Variants in SLC9A3 observed in about 807,000 individuals in gnomAD.
SLC9A3 encodes solute carrier family 9 member A3.
A neutral mutation model predicts 86.8 loss-of-function variants in SLC9A3; 37 were observed. The ratio of observed to expected loss-of-function variants is 0.43; its 90% CI spans 0.33 to 0.56. The LOEUF (loss-of-function observed/expected upper bound fraction) is 0.56. Among genes scored for constraint, SLC9A3 ranks in the 20% least tolerant of loss-of-function variants. The probability of loss-of-function intolerance (pLI) is 0.06; values close to 1 mark genes in which losing one functional copy is unlikely to be tolerated. For synonymous variants in SLC9A3, 581 were observed against 528.3 expected (o/e 1.10, Z -1.37); for missense variants, 1,011 against 1,171.9 (o/e 0.86, Z 2.00).
intron 1 of SLC9A3, among the ~76,000 whole-genome samples, chr5:500,379 G>A (rs1038886684): frequency 2.0e-5 from 3 of 152,242 alleles, no homozygotes; most frequent in Non-Finnish European, 2.9e-5. Flanking sequence ...GATCCCTGGC[G>A]AGAATGGAAG....
chr5:482,215 C>A (rs900396002), intron 7 of SLC9A3, 58 bp from the exon 8 acceptor site: 16 of 1,346,020 alleles, frequency 1.2e-5, no homozygotes, highest in Non-Finnish European at 1.7e-5. Flanking sequence ...CCCGCTGGCC[C>A]GGCCAGGTGC....
intron 1 of SLC9A3, among the ~76,000 whole-genome samples, chr5:494,870 C>T (rs780689678): frequency 2.2e-4 from 34 of 152,228 alleles, no homozygotes; most frequent in Non-Finnish European, 3.2e-4. Context: ...GTTTTCTACA[C>T]GATGCACGTT....
intron 1 of SLC9A3, among the ~76,000 whole-genome samples, chr5:518,314 G>T (rs139940122): frequency 1.3e-3 from 199 of 152,200 alleles, no homozygotes; most frequent in African/African-American, 4.6e-3. Flanking sequence ...CTGGTACCCT[G>T]AGACCTGGCA....
intron 12 of SLC9A3, 30 bp from the exon 13 acceptor site, chr5:476,408 G>T (rs769310947): frequency 6.2e-7 from 1 of 1,612,290 alleles, no homozygotes; most frequent in South Asian, 1.1e-5. Flanking sequence ...GGTCACAGCT[G>T]TGCCCACCGC....
chr5:509,135 T>C (rs1266014648), intron 1 of SLC9A3, among the ~76,000 whole-genome samples: 1 of 143,670 alleles, frequency 7.0e-6, no homozygotes, highest in African/African-American at 2.6e-5. Context: ...TCTCAGAAGA[T>C]AGAGAAAAAA....
rs1447733075 is a variant in SLC9A3 at position 491,497 on chromosome 5, G to A, written c.514+272C>T. 6.6e-6 allele frequency among the ~76,000 whole-genome samples: 1 copy of A among 152,098 alleles called. No homozygotes were observed. The highest frequency in any genetic ancestry group is 6.5e-5 in the Admixed American group (1 of 15,276). ...ACCCCTACCTCTGCCCAGTGCCGGA[G>A]GAAGAGCGGCAGCCCCTGGCCACCT... On this transcript the variant is annotated intron_variant, in intron 2 of 16. Transcript: ENST00000264938. This position sits in a 1 kb window ranked among gnomAD's most constrained non-coding sequence, Gnocchi z 9.2.
rs1250993309 is a variant in SLC9A3, at chr5:475,613, C to T, written c.2199G>A (p.Gly733=). The T allele has an allele frequency of 5.8e-6, 9 of 1,552,392 alleles. No individual in the cohort carries two copies. In the African/African-American group the frequency reaches 8.2e-5, roughly 14 times the overall value. The part of the protein sequence containing the change: ...PPNYDEEMSG[G]IEFLASVTKD... The stretch of plus-strand genomic sequence containing the variant: ...TGGTGACACTAGCCAGGAACTCGAT[C>T]CCCCCACTCATCTCCTCATCATAGT... The change falls in exon 15 of 17, where the codon GGG becomes GGA. Residue 733 remains glycine, a synonymous_variant. Coordinates refer to ENST00000264938, the MANE Select transcript of SLC9A3 (RefSeq NM_004174.4).
intron 1 of SLC9A3, among the ~76,000 whole-genome samples, chr5:513,966 CAG>C (rs1733650631): frequency 6.6e-6 from 1 of 152,238 alleles, no homozygotes; most frequent in Non-Finnish European, 1.5e-5. Flanking sequence ...GAGCAGCACT[CAG>C]CCAACCCGAG....
chr5:496,740 G>T lies in SLC9A3; in HGVS notation c.212-4669C>A, dbSNP rs1740036190. Reference sequence around the variant, plus strand: ...AAATTTTTTAGCAGGAAAAATAAAGGCACTCAATTAAATTTTCCTTGAAGG... The same window carrying T: ...AAATTTTTTAGCAGGAAAAATAAAGTCACTCAATTAAATTTTCCTTGAAGG... On this transcript the variant is annotated intron_variant, in intron 1 of 16. Transcript: ENST00000264938. The surrounding 1 kb of genome is among the most constrained non-coding windows in gnomAD (Gnocchi z 4.7). Among the ~76,000 whole-genome samples the T allele has an allele frequency of 6.6e-6, 1 of 152,084 alleles. No homozygotes were observed. The highest frequency in any genetic ancestry group is 2.4e-5 in the African/African-American group (1 of 41,406).
chr5:504,599 C>A (rs1328194873), intron 1 of SLC9A3, among the ~76,000 whole-genome samples: 3 of 152,236 alleles, frequency 2.0e-5, no homozygotes, highest in South Asian at 4.1e-4. Context: ...CTCCTGTCAC[C>A]CCCGGGTGAG....
chr5:512,820 G>A (rs1322634666), intron 1 of SLC9A3, among the ~76,000 whole-genome samples: 1 of 152,142 alleles, frequency 6.6e-6, no homozygotes, highest in Non-Finnish European at 1.5e-5. Flanking sequence ...TCCTGGCGGA[G>A]CCCAGGCTGC....
At chr5:514,219 C>T (rs1023723128) in intron 1 of SLC9A3, among the ~76,000 whole-genome samples, 5 of 152,390 alleles carry the variant, frequency 3.3e-5, no homozygotes, top group South Asian at 2.1e-4. Flanking sequence ...CTCACATGGG[C>T]GAGCCCTCGG....
chr5:485,604 G>A (rs764728979), intron 3 of SLC9A3, among the ~76,000 whole-genome samples: 3 of 152,376 alleles, frequency 2.0e-5, no homozygotes, highest in South Asian at 2.1e-4. Context: ...AGCCCCTGCC[G>A]TCTTTGCATG....
chr5:490,237 A>G (rs1739669345), intron 2 of SLC9A3, among the ~76,000 whole-genome samples: 1 of 152,278 alleles, frequency 6.6e-6, no homozygotes, highest in African/African-American at 2.4e-5. Context: ...GGCCTGCCCC[A>G]GGGGGCACAG....
intron 9 of SLC9A3, 127 bp from the exon 10 acceptor site, chr5:480,092 G>A: frequency 1.9e-6 from 2 of 1,044,320 alleles, no homozygotes; most frequent in Non-Finnish European, 2.8e-6. Flanking sequence ...CGTTTAAAAT[G>A]AGGGAAGCAG....
chr5:524,353 GCATGTCGC>G lies in SLC9A3; in HGVS notation c.-39_-32del, dbSNP rs1560981646. On this transcript the variant is annotated 5_prime_UTR_variant, in exon 1 of 17. It removes an upstream start codon present in the reference 5' UTR. Coordinates refer to ENST00000264938, the MANE Select transcript of SLC9A3 (RefSeq NM_004174.4). ...CCTGCTCAGCGCAGGGCTGGGACGC[GCATGTCGC>G]GGGGGGTCCCGGCTGGGCTGGGCCG... 1 of 1,036,884 alleles carries G rather than the reference GCATGTCGC, an allele frequency of 9.6e-7. No homozygotes were observed. The highest frequency in any genetic ancestry group is 1.7e-5 in the African/African-American group (1 of 58,968). The allele number at this position is 1,036,884 out of a possible 1,614,324, so 64.2% of individuals were successfully genotyped here.
intron 14 of SLC9A3, 139 bp downstream of exon 14, chr5:475,881 G>C: frequency 1.2e-6 from 1 of 802,134 alleles, no homozygotes; most frequent in Admixed American, 2.7e-5. Flanking sequence ...CTGGGGCCCT[G>C]ACCATGCCTC....
At chr5:520,865 A>C (rs1733866005) in intron 1 of SLC9A3, among the ~76,000 whole-genome samples, 1 of 152,034 alleles carries the variant, frequency 6.6e-6, no homozygotes, top group South Asian at 2.1e-4. Context: ...GCACAGCCTC[A>C]GCCCCCAGAG....
rs1388588567 is a variant in SLC9A3 at position 473,260 on chromosome 5, G to GGGCTCGC, written c.*112_*118dup. 2 of 1,116,198 alleles carry GGGCTCGC rather than the reference G, an allele frequency of 1.8e-6. No individual in the cohort carries two copies. Among genetic ancestry groups the GGGCTCGC allele is most frequent in the Non-Finnish European group, 2.3e-6 (2 of 876,694 alleles). The allele number at this position is 1,116,198 out of a possible 1,614,324, so 69.1% of individuals were successfully genotyped here. A position where few individuals can be genotyped will look rare whatever the true frequency, so the allele number is the denominator to read the frequency against. On this transcript the variant is annotated 3_prime_UTR_variant, in exon 17 of 17. Coordinates refer to ENST00000264938, the MANE Select transcript of SLC9A3 (RefSeq NM_004174.4). ...GCTGGCGTGGGCGAGGCGGGGCTCGGGGCTCGCGGTCGCTGTAGCCGCGCG... is the reference window on the plus strand; with the variant it reads ...GCTGGCGTGGGCGAGGCGGGGCTCGGGGCTCGCGGCTCGCGGTCGCTGTAGCCGCGCG...
Sources: gnomAD v4.1 joint callset for allele counts (sites outside exome capture counted in the v4.1 genomes callset) on GRCh38, gnomAD v4.1.1 for gene constraint, Gnocchi (gnomAD v3.1) non-coding constraint, MANE v1.5 for transcripts, NCBI Gene and HGNC (gene_info 2026-07-23, HGNC 2026-07-21) for gene names.